WFDC11: variants seen among roughly 807,000 people sequenced by gnomAD.
The protein encoded by WFDC11 is WAP four-disulfide core domain 11, also known as protein WFDC11.
In WFDC11, 9 loss-of-function variants were observed where a neutral mutation model predicts 9.9. That is an observed-to-expected ratio of 0.91 (90% confidence interval 0.55 to 1.58). The LOEUF (loss-of-function observed/expected upper bound fraction) is 1.58, where lower values mean the gene tolerates loss of function less well. Ranked by LOEUF, WFDC11 falls within the 40% of genes most tolerant of loss-of-function variation. WFDC11 has a pLI of 0.00. For missense variants in WFDC11, 106 were observed against 101.7 expected (o/e 1.04, Z -0.18); for synonymous variants, 32 against 33.3 (o/e 0.96, Z 0.13).
chr20:45,650,213 C>T (rs577301973), intron 3 of WFDC11, among the ~76,000 whole-genome samples: 37 of 84,152 alleles, frequency 4.4e-4, no homozygotes, highest in Middle Eastern at 4.6e-3. Context: ...GGTATATATA[C>T]ACACACACAC....
chr20:45,662,498 G>C (rs1232235459), intron 2 of WFDC11, among the ~76,000 whole-genome samples: 1 of 152,160 alleles, frequency 6.6e-6, no homozygotes, highest in Non-Finnish European at 1.5e-5. Flanking sequence ...TCTTGTGCCA[G>C]TTTTCAAAGG....
intron 2 of WFDC11, among the ~76,000 whole-genome samples, chr20:45,657,884 CAT>C (rs1244440997): frequency 6.6e-6 from 1 of 152,062 alleles, no homozygotes; most frequent in Non-Finnish European, 1.5e-5. Flanking sequence ...ATTCTTAAAA[CAT>C]AAAAAAGCAC....
Position 45,659,199 on chromosome 20 carries a change from A to T in WFDC11, c.-52+7889T>A, listed in dbSNP as rs141576635. Among the ~76,000 whole-genome samples, 487 of 152,352 alleles carry T rather than the reference A, an allele frequency of 3.2e-3. 4 individuals carry two copies. The highest frequency in any genetic ancestry group is 0.011 in the African/African-American group (450 of 41,578). ...CATGTGCATGTGTCTTTATAGCAGCATGATTTATAATCCTTTGGGTGTATA... is the reference window on the plus strand; with the variant it reads ...CATGTGCATGTGTCTTTATAGCAGCTTGATTTATAATCCTTTGGGTGTATA... On this transcript the variant is annotated intron_variant, in intron 2 of 4. Transcript: ENST00000324384.
At chr20:45,653,198 AAGGG>A (rs1982849581) in intron 2 of WFDC11, among the ~76,000 whole-genome samples, 1 of 152,194 alleles carries the variant, frequency 6.6e-6, no homozygotes, top group Non-Finnish European at 1.5e-5. Context: ...GTTACCCACA[AAGGG>A]AAGCCCATCA....
rs76406501 is a variant in WFDC11 at position 45,649,099 on chromosome 20, G to A, written c.243+158C>T. ...TCTAAGCTGGTGTCTTGATTTACTC[G>A]CCAGTGAATTGCTTTCCAAGTTAAA... On this transcript the variant is annotated intron_variant, in intron 4 of 4. Coordinates refer to ENST00000324384, the MANE Select transcript of WFDC11 (RefSeq NM_147197.2). Among the ~76,000 whole-genome samples the A allele has an allele frequency of 4.9e-3, 742 of 152,094 alleles. 7 individuals carry two copies. Among genetic ancestry groups the A allele is most frequent in the African/African-American group, 0.017 (705 of 41,492 alleles).
At chr20:45,663,355 G>C (rs1384326721) in intron 2 of WFDC11, among the ~76,000 whole-genome samples, 1 of 151,676 alleles carries the variant, frequency 6.6e-6, no homozygotes, top group Non-Finnish European at 1.5e-5. Flanking sequence ...TATCAATTTT[G>C]TTAATCTTTT....
At chr20:45,658,802 A>G (rs1221291649) in intron 2 of WFDC11, among the ~76,000 whole-genome samples, 2 of 152,288 alleles carry the variant, frequency 1.3e-5, no homozygotes, top group South Asian at 2.1e-4. Flanking sequence ...TACACGTGCC[A>G]TGGTGATTTG....
intron 3 of WFDC11, among the ~76,000 whole-genome samples, chr20:45,650,118 T>C (rs1982768703): frequency 6.6e-6 from 1 of 152,074 alleles, no homozygotes; most frequent in Admixed American, 6.5e-5. Flanking sequence ...GATACCAGTA[T>C]AGAGCTACAG....
intron 2 of WFDC11, among the ~76,000 whole-genome samples, chr20:45,651,747 G>A (rs6104272): frequency 2.7e-5 from 4 of 148,956 alleles, no homozygotes; most frequent in Non-Finnish European, 5.9e-5. Flanking sequence ...CTAATACTGC[G>A]CTTTTCCAAC....
intron 2 of WFDC11, among the ~76,000 whole-genome samples, chr20:45,661,326 C>T (rs965456248): frequency 2.0e-4 from 31 of 151,980 alleles, no homozygotes; most frequent in Admixed American, 2.6e-4. Context: ...AGCCCTTTGT[C>T]AGATGAGTAG....
intron 2 of WFDC11, among the ~76,000 whole-genome samples, chr20:45,654,437 T>C (rs942472686): frequency 6.6e-6 from 1 of 152,096 alleles, no homozygotes; most frequent in Non-Finnish European, 1.5e-5. Context: ...AAGCAGTGTG[T>C]AGAGGGAAAT....
At chr20:45,666,777 T>C (rs6104285) in intron 2 of WFDC11, among the ~76,000 whole-genome samples, 28,815 of 152,104 alleles carry the variant, frequency 0.19, 2,972 homozygotes, top group East Asian at 0.32. Flanking sequence ...CTGAATAGTC[T>C]TCAATTGGGG....
intron 1 of WFDC11, among the ~76,000 whole-genome samples, chr20:45,669,765 G>C (rs141211170): frequency 0.014 from 2,127 of 152,202 alleles, 90 homozygotes; most frequent in Admixed American, 0.099. Flanking sequence ...AGAGGAACTT[G>C]AAAAACAAGA....
chr20:45,659,048 C>T (rs1489774743), intron 2 of WFDC11, among the ~76,000 whole-genome samples: 2 of 152,166 alleles, frequency 1.3e-5, no homozygotes, highest in African/African-American at 2.4e-5. Context: ...GAACTCATCC[C>T]TTTTTATGAC....
At chr20:45,659,808 T>C (rs1983016202) in intron 2 of WFDC11, among the ~76,000 whole-genome samples, 1 of 152,212 alleles carries the variant, frequency 6.6e-6, no homozygotes, top group East Asian at 1.9e-4. Context: ...TCCTGAATGG[T>C]ACTGTCTAGG....
At chr20:45,654,432 G>A (rs1260263061) in intron 2 of WFDC11, among the ~76,000 whole-genome samples, 3 of 152,206 alleles carry the variant, frequency 2.0e-5, no homozygotes, top group Admixed American at 2.0e-4. Context: ...ATTCAAAGCA[G>A]TGTGTAGAGG....
chr20:45,656,440 A>G (rs1982932994), intron 2 of WFDC11, among the ~76,000 whole-genome samples: 2 of 152,232 alleles, frequency 1.3e-5, no homozygotes, highest in African/African-American at 4.8e-5. Flanking sequence ...TTAATTCAAG[A>G]TGGATTAAAG....
rs373772504 is a variant in WFDC11 at position 45,650,547 on chromosome 20, C to T, written c.54G>A (p.Thr18=). 1.9e-5 allele frequency: 31 copies of T among 1,614,038 alleles called. No individual in the cohort carries two copies. The highest frequency in any genetic ancestry group is 1.3e-4 in the South Asian group (12 of 91,064). Residue 18 remains threonine (T), a synonymous_variant, in exon 3 of 5, where the codon ACG becomes ACA. Coordinates refer to ENST00000324384, the MANE Select transcript of WFDC11 (RefSeq NM_147197.2). ...WIPMLMTFFC[T]VLLSVLGEMR... ...TTTCTCCCAGCACAGACAGTAGCAC[C>T]GTACAGAAGAATGTCATGAGCATGG...
At position 45,656,125 on chromosome 20, in the gene WFDC11, AG is replaced by A. The variant is rs1370569948; in HGVS notation, c.-51-5475del. 2.0e-5 allele frequency among the ~76,000 whole-genome samples: 3 copies of A among 152,218 alleles called. No homozygotes were observed. In the East Asian group the frequency reaches 5.8e-4, roughly 29 times the overall value. On this transcript the variant is annotated intron_variant, in intron 2 of 4. Coordinates refer to ENST00000324384, the MANE Select transcript of WFDC11 (RefSeq NM_147197.2). ...AACCAAAAAAGAGCCCACATCGCCAAGTCAATCCTAAACCAAAAGAACAAAG... is the reference window on the plus strand; with the variant it reads ...AACCAAAAAAGAGCCCACATCGCCAATCAATCCTAAACCAAAAGAACAAAG...
Sources: allele counts gnomAD v4.1 joint callset (sites outside exome capture counted in the v4.1 genomes callset), GRCh38; gene constraint gnomAD v4.1.1; transcripts MANE v1.5; gene names NCBI Gene and HGNC (gene_info 2026-07-23, HGNC 2026-07-21).